The following KCNT2 variants were observed in gnomAD, a reference collection of about 807,000 sequenced individuals.
KCNT2 encodes potassium sodium-activated channel subfamily T member 2, also known as potassium channel subfamily T member 2.
KCNT2 carries 67 observed loss-of-function variants against 153.8 expected under a neutral mutation model. That is an observed-to-expected ratio of 0.44 (90% confidence interval 0.36 to 0.53). The LOEUF is 0.53. KCNT2 is among the 20% of genes least tolerant of loss of function. The pLI is 0.00. For synonymous variants in KCNT2, 500 were observed against 458.8 expected (o/e 1.09, Z -1.15); for missense variants, 975 against 1,354.8 (o/e 0.72, Z 4.40).
intron 16 of KCNT2, among the ~76,000 whole-genome samples, chr1:196,338,100 A>G (rs1027159355): frequency 1.3e-5 from 2 of 152,166 alleles, no homozygotes; most frequent in African/African-American, 4.8e-5. Flanking sequence ...GTAAATGACA[A>G]ATAGGATTAC....
Position 196,518,762 on chromosome 1 carries a change from G to A in KCNT2, c.96-26421C>T, listed in dbSNP as rs541853119. Among the ~76,000 whole-genome samples the A allele has an allele frequency of 1.3e-3, 196 of 152,162 alleles. 3 individuals carry two copies. Among genetic ancestry groups the A allele is most frequent in the Middle Eastern group, 0.01 (3 of 294 alleles). On this transcript the variant is annotated intron_variant, in intron 1 of 27. Transcript: ENST00000294725. ...CTAAATACATATGCAACCAACACAG[G>A]AGCAACCAGGTTTATAAAGCAAGTT...
At chr1:196,258,900 A>G (rs1656754606) in intron 25 of KCNT2, among the ~76,000 whole-genome samples, 1 of 152,098 alleles carries the variant, frequency 6.6e-6, no homozygotes, top group Non-Finnish European at 1.5e-5. Flanking sequence ...AGTATTTCAC[A>G]CTCAATTTAA....
intron 1 of KCNT2, among the ~76,000 whole-genome samples, chr1:196,579,886 T>C (rs934381345): frequency 1.3e-5 from 2 of 152,264 alleles, no homozygotes; most frequent in Middle Eastern, 3.4e-3. Context: ...ACAGCTTTCA[T>C]TGGCTGGAAG....
At chr1:196,450,549 T>C (rs1410014069) in intron 8 of KCNT2, among the ~76,000 whole-genome samples, 1 of 151,952 alleles carries the variant, frequency 6.6e-6, no homozygotes, top group African/African-American at 2.4e-5. Flanking sequence ...TTTTCCAGAT[T>C]ACAAACCTCA....
intron 22 of KCNT2, among the ~76,000 whole-genome samples, chr1:196,299,077 AC>A (rs1250498889): frequency 2.6e-5 from 4 of 152,070 alleles, no homozygotes; most frequent in African/African-American, 9.7e-5. Flanking sequence ...GCACAGATAC[AC>A]ACATTAATAA....
chr1:196,549,089 G>T (rs1657545033), intron 1 of KCNT2, among the ~76,000 whole-genome samples: 2 of 152,018 alleles, frequency 1.3e-5, no homozygotes, highest in African/African-American at 4.8e-5. Context: ...CACCAGCATG[G>T]CACATGTATA....
At chr1:196,374,260 T>C (rs564374227) in intron 13 of KCNT2, among the ~76,000 whole-genome samples, 2 of 151,964 alleles carry the variant, frequency 1.3e-5, no homozygotes, top group South Asian at 4.1e-4. Context: ...GCTAGATCTA[T>C]AAAATGAATA....
intron 8 of KCNT2, among the ~76,000 whole-genome samples, chr1:196,451,845 C>A (rs1329653366): frequency 6.6e-6 from 1 of 151,638 alleles, no homozygotes; most frequent in African/African-American, 2.4e-5. Flanking sequence ...GGAGACTGAC[C>A]AAAGAGATAT....
At chr1:196,565,022 A>G (rs1200410040) in intron 1 of KCNT2, among the ~76,000 whole-genome samples, 1 of 151,846 alleles carries the variant, frequency 6.6e-6, no homozygotes, top group Admixed American at 6.6e-5. Flanking sequence ...GAGTGAAAGT[A>G]AAAGACAATC....
At chr1:196,592,889 T>G (rs565047407) in intron 1 of KCNT2, among the ~76,000 whole-genome samples, 1 of 149,914 alleles carries the variant, frequency 6.7e-6, no homozygotes, top group East Asian at 1.9e-4. Flanking sequence ...TAATAAAAAT[T>G]ATTTTTAAGA....
intron 14 of KCNT2, among the ~76,000 whole-genome samples, chr1:196,349,597 C>T (rs1246207445): frequency 6.6e-6 from 1 of 152,066 alleles, no homozygotes; most frequent in Non-Finnish European, 1.5e-5. Flanking sequence ...TAGCGGTACA[C>T]CCTATAGACT....
chr1:196,581,761 A>G (rs1009524946), intron 1 of KCNT2, among the ~76,000 whole-genome samples: 2 of 152,290 alleles, frequency 1.3e-5, no homozygotes, highest in South Asian at 2.1e-4. Flanking sequence ...AGTATTTACT[A>G]AAAGCTGTCA....
At chr1:196,466,889 A>G (rs576336157) in intron 7 of KCNT2, among the ~76,000 whole-genome samples, 18 of 152,108 alleles carry the variant, frequency 1.2e-4, no homozygotes, top group Non-Finnish European at 2.2e-4. Context: ...AAACCATGCC[A>G]CCAAGCAGGG....
chr1:196,391,618 C>A (rs1670502627), intron 13 of KCNT2, among the ~76,000 whole-genome samples: 1 of 151,198 alleles, frequency 6.6e-6, no homozygotes, highest in Non-Finnish European at 1.5e-5. Flanking sequence ...TACCTAATAT[C>A]CAGTGTCAAT....
intron 1 of KCNT2, among the ~76,000 whole-genome samples, chr1:196,502,172 C>T (rs894101008): frequency 6.6e-6 from 1 of 152,114 alleles, no homozygotes; most frequent in African/African-American, 2.4e-5. Context: ...TGAGTTTCCA[C>T]CTGGTTTCCA....
intron 14 of KCNT2, among the ~76,000 whole-genome samples, chr1:196,368,944 G>C (rs1423727729): frequency 6.6e-6 from 1 of 152,060 alleles, no homozygotes; most frequent in Middle Eastern, 3.2e-3. Context: ...CTACTGTCCA[G>C]TGTCAATAAG....
intron 1 of KCNT2, among the ~76,000 whole-genome samples, chr1:196,593,445 G>A (rs1244443156): frequency 6.6e-6 from 1 of 151,524 alleles, no homozygotes; most frequent in Non-Finnish European, 1.5e-5. Context: ...GAATTGTGCT[G>A]CTATGAACAT....
chr1:196,523,809 T>C (rs1279300898), intron 1 of KCNT2, among the ~76,000 whole-genome samples: 1 of 152,228 alleles, frequency 6.6e-6, no homozygotes, highest in Admixed American at 6.5e-5. Context: ...TTCAATTATT[T>C]TGAGTCTTAA....
At chr1:196,511,657 T>G (rs187483386) in intron 1 of KCNT2, among the ~76,000 whole-genome samples, 93 of 152,316 alleles carry the variant, frequency 6.1e-4, no homozygotes, top group Non-Finnish European at 1.1e-3. Context: ...TGATTTTTCT[T>G]GAGGCACCTC....
Sources: allele counts gnomAD v4.1 joint callset (sites outside exome capture counted in the v4.1 genomes callset), GRCh38; gene constraint gnomAD v4.1.1; transcripts MANE v1.5; gene names NCBI Gene and HGNC (gene_info 2026-07-23, HGNC 2026-07-21).